The following FNDC3B variants were observed in gnomAD, a reference collection of about 807,000 sequenced individuals.
The protein encoded by FNDC3B is fibronectin type III domain-containing protein 3B.
In FNDC3B, 12 loss-of-function variants were observed where a neutral mutation model predicts 151.5. That is an observed-to-expected ratio of 0.08 (90% CI 0.05 to 0.13). The LOEUF (loss-of-function observed/expected upper bound fraction) is 0.13, where lower values mean the gene tolerates loss of function less well. Among genes scored for constraint, FNDC3B ranks in the 10% least tolerant of loss-of-function variants. The pLI is 1.00. For synonymous variants in FNDC3B, 528 were observed against 549.0 expected, an observed-to-expected ratio of 0.96 and a Z score of 0.54; for missense variants, 1,214 against 1,505.3, an observed-to-expected ratio of 0.81 and a Z score of 3.20.
At chr3:172,207,610 C>T (rs1440791062) in intron 3 of FNDC3B, among the ~76,000 whole-genome samples, 3 of 152,122 alleles carry the variant, frequency 2.0e-5, no homozygotes, top group Non-Finnish European at 2.9e-5. Context: ...CGGCCATGGG[C>T]GGGGCCTGGA....
intron 11 of FNDC3B, among the ~76,000 whole-genome samples, chr3:172,325,407 G>A (rs976500326): frequency 1.3e-5 from 2 of 152,068 alleles, no homozygotes; most frequent in African/African-American, 4.8e-5. Flanking sequence ...GGAATGATTT[G>A]GATATATTTA....
chr3:172,276,341 A>G (rs992336290), intron 6 of FNDC3B, among the ~76,000 whole-genome samples: 16 of 152,210 alleles, frequency 1.1e-4, no homozygotes, highest in African/African-American at 2.9e-4. Flanking sequence ...TGCTGGCTAC[A>G]TTTAGGGCAA....
intron 25 of FNDC3B, among the ~76,000 whole-genome samples, chr3:172,384,793 T>A (rs976427470): frequency 3.3e-5 from 5 of 152,252 alleles, no homozygotes; most frequent in Non-Finnish European, 7.3e-5. Flanking sequence ...GTTGTCTGTT[T>A]AATGTTATAT....
intron 7 of FNDC3B, among the ~76,000 whole-genome samples, chr3:172,287,892 G>A (rs866787466): frequency 2.0e-5 from 3 of 152,144 alleles, no homozygotes; most frequent in Middle Eastern, 3.2e-3. Context: ...ATATAATAGG[G>A]TAAGAGCGTC....
At chr3:172,200,002 T>TATTCGTTC (rs1725060061) in intron 3 of FNDC3B, among the ~76,000 whole-genome samples, 1 of 150,754 alleles carries the variant, frequency 6.6e-6, no homozygotes, top group Non-Finnish European at 1.5e-5. Context: ...CAATACTTTG[T>TATTCGTTC]ATTCATTCAT....
rs771468472 is a variant in FNDC3B at position 172,286,000 on chromosome 3, T to C, written c.849+16T>C. Reference sequence around the variant, plus strand: ...GAAACCACAGGTATGTCTTCTGGATTTCTCAGCATAAATGACACTTTTTAA... The same window carrying C: ...GAAACCACAGGTATGTCTTCTGGATCTCTCAGCATAAATGACACTTTTTAA... On this transcript the variant is annotated intron_variant, in intron 7 of 25. Transcript: ENST00000415807. 6.3e-7 allele frequency: 1 copy of C among 1,593,544 alleles called. No individual in the cohort carries two copies. The highest frequency in any genetic ancestry group is 2.2e-5 in the East Asian group (1 of 44,664).
intron 1 of FNDC3B, among the ~76,000 whole-genome samples, chr3:172,069,575 G>A (rs776529758): frequency 6.6e-6 from 1 of 152,112 alleles, no homozygotes; most frequent in Non-Finnish European, 1.5e-5. Flanking sequence ...CGTGCCTTTA[G>A]TCTTACTGGT....
At chr3:172,222,566 G>T (rs1404544751) in intron 3 of FNDC3B, among the ~76,000 whole-genome samples, 1 of 152,116 alleles carries the variant, frequency 6.6e-6, no homozygotes, top group African/African-American at 2.4e-5. Context: ...GGTGAGGGGG[G>T]CTGTTTCAGA....
At chr3:172,327,181 G>A (rs975486327) in intron 11 of FNDC3B, among the ~76,000 whole-genome samples, 2 of 152,214 alleles carry the variant, frequency 1.3e-5, no homozygotes, top group Non-Finnish European at 2.9e-5. Context: ...GTTCACTCAA[G>A]GAGCAACTGA....
At chr3:172,268,924 G>A (rs1171877577) in intron 6 of FNDC3B, among the ~76,000 whole-genome samples, 2 of 152,162 alleles carry the variant, frequency 1.3e-5, no homozygotes, top group African/African-American at 4.8e-5. Flanking sequence ...AAAGGACTTT[G>A]GGAAAAACTA....
At chr3:172,165,039 G>T (rs1298340507) in intron 3 of FNDC3B, among the ~76,000 whole-genome samples, 2 of 152,154 alleles carry the variant, frequency 1.3e-5, no homozygotes, top group African/African-American at 2.4e-5. Flanking sequence ...TGGACATAGA[G>T]GTTTTACTCT....
intron 6 of FNDC3B, among the ~76,000 whole-genome samples, chr3:172,276,558 A>T (rs996721111): frequency 2.0e-5 from 3 of 152,234 alleles, no homozygotes; most frequent in African/African-American, 7.2e-5. Context: ...AGTATTTACT[A>T]TAACTGTCAG....
chr3:172,294,416 C>G (rs543675350), intron 7 of FNDC3B, among the ~76,000 whole-genome samples: 11 of 152,286 alleles, frequency 7.2e-5, no homozygotes, highest in African/African-American at 2.6e-4. Flanking sequence ...ACATGTCTTA[C>G]GTTGCCCGAG....
intron 17 of FNDC3B, among the ~76,000 whole-genome samples, chr3:172,342,143 G>T (rs957379268): frequency 6.6e-6 from 1 of 152,230 alleles, no homozygotes; most frequent in African/African-American, 2.4e-5. Flanking sequence ...TGCAACATCA[G>T]TTTTTGTGTT....
intron 1 of FNDC3B, among the ~76,000 whole-genome samples, chr3:172,041,405 TTC>T (rs950983560): frequency 3.5e-5 from 5 of 142,774 alleles, no homozygotes; most frequent in South Asian, 2.3e-4. Flanking sequence ...TTCTTTCTCC[TTC>T]TCTCTCCTTC....
intron 1 of FNDC3B, among the ~76,000 whole-genome samples, chr3:172,089,855 G>A (rs1040485804): frequency 2.2e-4 from 33 of 152,172 alleles, no homozygotes; most frequent in African/African-American, 7.5e-4. Context: ...CCGAGTAAAT[G>A]TTTGAACAAC....
intron 3 of FNDC3B, among the ~76,000 whole-genome samples, chr3:172,214,110 C>CT (rs1212028646): frequency 1.3e-5 from 2 of 152,114 alleles, no homozygotes; most frequent in African/African-American, 4.8e-5. Context: ...CCCACAATTG[C>CT]TTGGGGGTGT....
At chr3:172,078,907 C>T (rs758921445) in intron 1 of FNDC3B, among the ~76,000 whole-genome samples, 1 of 152,116 alleles carries the variant, frequency 6.6e-6, no homozygotes, top group African/African-American at 2.4e-5. Flanking sequence ...ATGATTGCCA[C>T]GGGAATGTGT....
chr3:172,062,315 CT>C lies in FNDC3B; in HGVS notation c.-29+22558del, dbSNP rs879410385. Among the ~76,000 whole-genome samples, 1,424 of 144,136 alleles carry C rather than the reference CT, an allele frequency of 9.9e-3. 9 individuals carry two copies. Among genetic ancestry groups the C allele is most frequent in the African/African-American group, 0.024 (945 of 39,702 alleles). 94.6% of individuals were successfully genotyped at this position (144,136 alleles called of 152,430 possible). On this transcript the variant is annotated intron_variant, in intron 1 of 25. Coordinates refer to ENST00000415807, the MANE Select transcript of FNDC3B (RefSeq NM_022763.4). The stretch of plus-strand genomic sequence containing the variant: ...AATTTCTGCTACTTTTCTCCTCCTT[CT>C]TTTTTTTTTTTTTGAGATGGAGTCT...
Sources: gnomAD v4.1 joint callset for allele counts (sites outside exome capture counted in the v4.1 genomes callset) on GRCh38, gnomAD v4.1.1 for gene constraint, MANE v1.5 for transcripts, NCBI Gene and HGNC (gene_info 2026-07-23, HGNC 2026-07-21) for gene names.